RAMP3: variants seen among roughly 807,000 people sequenced by gnomAD.
The protein encoded by RAMP3 is receptor activity-modifying protein 3.
Under a neutral mutation model 13.5 loss-of-function variants are expected in RAMP3, and 14 were observed. The observed-to-expected ratio is 1.04, with a 90% CI of 0.69 to 1.63. The LOEUF is 1.63. Among genes scored for constraint, RAMP3 ranks in the 40% most tolerant of loss-of-function variants. RAMP3 has a pLI of 0.00. For synonymous variants in RAMP3, 106 were observed against 88.3 expected, an observed-to-expected ratio of 1.20 and a Z score of -1.12; for missense variants, 200 against 204.8, an observed-to-expected ratio of 0.98 and a Z score of 0.14.
At chr7:45,167,839 G>A (rs980318363) in intron 1 of RAMP3, among the ~76,000 whole-genome samples, 1 of 151,878 alleles carries the variant, frequency 6.6e-6, no homozygotes, top group African/African-American at 2.4e-5. Context: ...ACCCGCCATG[G>A]CCTCCCAAAG....
chr7:45,169,459 C>T (rs1400566160), intron 1 of RAMP3, among the ~76,000 whole-genome samples: 1 of 152,116 alleles, frequency 6.6e-6, no homozygotes, highest in Non-Finnish European at 1.5e-5. Flanking sequence ...TTAGTATAGA[C>T]CTATTTAGAT....
At chr7:45,179,815 C>G (rs994367381) in intron 2 of RAMP3, among the ~76,000 whole-genome samples, 1 of 152,154 alleles carries the variant, frequency 6.6e-6, no homozygotes, top group Admixed American at 6.5e-5. Context: ...GAAAATGTCC[C>G]ACATGGACCC....
At chr7:45,172,949 TC>T (rs1223098527) in intron 1 of RAMP3, among the ~76,000 whole-genome samples, 1 of 152,204 alleles carries the variant, frequency 6.6e-6, no homozygotes, top group Non-Finnish European at 1.5e-5. Context: ...GGGGTCCCCC[TC>T]CCTGCTCAGT....
chr7:45,166,957 G>GGTTTTTTTTT (rs1370310920), intron 1 of RAMP3, among the ~76,000 whole-genome samples: 1 of 48,450 alleles, frequency 2.1e-5, no homozygotes, highest in Non-Finnish European at 3.8e-5. Flanking sequence ...GGTCTTTGAT[G>GGTTTTTTTTT]CTTTTTTTTT....
In RAMP3 at chr7:45,183,297, T is replaced by G; in HGVS notation, c.332T>G (p.Leu111Trp). The change falls in exon 3 of 3, where the codon TTG becomes TGG. Residue 111 changes from leucine to tryptophan, a missense_variant. By Grantham distance (61) the Leu-to-Trp change is moderately conservative (BLOSUM62 -2). Coordinates refer to ENST00000242249, the MANE Select transcript of RAMP3 (RefSeq NM_005856.3). ...AACTGCACCGTGGACAGGGTCCACT[T>G]GGAGGACCCCCCAGACGAGGTTCTC... ...FSNCTVDRVH[L>W]EDPPDEVLIP... 6.2e-7 allele frequency: 1 copy of G among 1,614,106 alleles called. No homozygotes were observed. Among genetic ancestry groups the G allele is most frequent in the African/African-American group, 1.3e-5 (1 of 75,056 alleles).
chr7:45,160,367 A>G (rs553943980), intron 1 of RAMP3, among the ~76,000 whole-genome samples: 1,369 of 131,180 alleles, frequency 0.01, 32 homozygotes, highest in African/African-American at 0.043. Context: ...AAAAAAAAAA[A>G]AAAAGACTTG....
At chr7:45,165,691 C>T (rs764593582) in intron 1 of RAMP3, among the ~76,000 whole-genome samples, 4 of 152,176 alleles carry the variant, frequency 2.6e-5, no homozygotes, top group Non-Finnish European at 4.4e-5. Flanking sequence ...GCAGTCACTC[C>T]CTATTTCCTC....
chr7:45,164,926 T>G (rs1346982889), intron 1 of RAMP3, among the ~76,000 whole-genome samples: 1 of 152,210 alleles, frequency 6.6e-6, no homozygotes, highest in Non-Finnish European at 1.5e-5. Flanking sequence ...TGCTTCTTAG[T>G]TGAAGTGCTT....
intron 1 of RAMP3, among the ~76,000 whole-genome samples, chr7:45,172,447 C>G (rs1786101605): frequency 6.6e-6 from 1 of 152,194 alleles, no homozygotes; most frequent in African/African-American, 2.4e-5. Context: ...TCTCATACCA[C>G]CATCCCAGAA....
chr7:45,175,657 C>G (rs1420772474), intron 1 of RAMP3, among the ~76,000 whole-genome samples: 1 of 152,148 alleles, frequency 6.6e-6, no homozygotes, highest in African/African-American at 2.4e-5. Context: ...CTGTGGGGTT[C>G]CAGCTAACAC....
chr7:45,183,988 G>C lies in RAMP3; in HGVS notation c.*576G>C. ...TGGGAGGAGAAGGGAGGGGCTGGGG[G>C]TTCCCAGGAGCCATGCGTGGCCTGC... On this transcript the variant is annotated 3_prime_UTR_variant, in exon 3 of 3. Coordinates refer to ENST00000242249, the MANE Select transcript of RAMP3 (RefSeq NM_005856.3). 1 of 414,112 alleles carries C rather than the reference G, an allele frequency of 2.4e-6. No homozygotes were observed. Among genetic ancestry groups the C allele is most frequent in the Non-Finnish European group, 4.3e-6 (1 of 234,302 alleles). 25.7% of individuals were successfully genotyped at this position (414,112 alleles called of 1,614,324 possible).
At chr7:45,159,027 A>T (rs550013681) in intron 1 of RAMP3, among the ~76,000 whole-genome samples, 2 of 152,344 alleles carry the variant, frequency 1.3e-5, no homozygotes, top group African/African-American at 4.8e-5. Flanking sequence ...GGTCCTCTCA[A>T]TTCATTCTGG....
intron 1 of RAMP3, among the ~76,000 whole-genome samples, chr7:45,158,283 T>C (rs1028796618): frequency 1.3e-5 from 2 of 152,210 alleles, no homozygotes; most frequent in African/African-American, 4.8e-5. Context: ...GTGAGCTCTC[T>C]GTCCTGGCAT....
rs773290227 is a variant in RAMP3, at chr7:45,183,561, T to C, written c.*149T>C. ...AGACCCCTCCCTTCCTGGGCTGACCTGCTCCCTCGAGGCCAGCCTGCTCCC... is the reference window on the plus strand; with the variant it reads ...AGACCCCTCCCTTCCTGGGCTGACCCGCTCCCTCGAGGCCAGCCTGCTCCC... On this transcript the variant is annotated 3_prime_UTR_variant, in exon 3 of 3. Transcript: ENST00000242249. The C allele has an allele frequency of 7.5e-4, 891 of 1,195,574 alleles. 2 individuals are homozygous for C. The highest frequency in any genetic ancestry group is 9.6e-4 in the Non-Finnish European group (818 of 851,418). 74.1% of individuals were successfully genotyped at this position (1,195,574 alleles called of 1,614,324 possible). A position where few individuals can be genotyped will look rare whatever the true frequency, so the allele number is the denominator to read the frequency against.
intron 1 of RAMP3, among the ~76,000 whole-genome samples, chr7:45,177,097 G>A (rs1464839494): frequency 1.3e-5 from 2 of 152,250 alleles, no homozygotes; most frequent in Non-Finnish European, 2.9e-5. Context: ...AGGTGGACTT[G>A]TCCTGTCTTG....
Position 45,179,077 on chromosome 7 carries a change from G to A in RAMP3, c.191+1636G>A, listed in dbSNP as rs114583454. Among the ~76,000 whole-genome samples the A allele has an allele frequency of 9.1e-3, 1,381 of 152,324 alleles. 22 individuals carry two copies. The highest frequency in any genetic ancestry group is 0.032 in the African/African-American group (1,333 of 41,582). Reference sequence around the variant, plus strand: ...AGCTGGACACTGGAGGTGTATTCTTGGAGCTGGTGACACCAGGGTTTCTGG... The same window carrying A: ...AGCTGGACACTGGAGGTGTATTCTTAGAGCTGGTGACACCAGGGTTTCTGG... On this transcript the variant is annotated intron_variant, in intron 2 of 2. Coordinates refer to ENST00000242249, the MANE Select transcript of RAMP3 (RefSeq NM_005856.3).
In RAMP3 at chr7:45,183,475, G is replaced by A; in HGVS notation, c.*63G>A. 1 of 1,586,866 alleles carries A rather than the reference G, an allele frequency of 6.3e-7. No homozygotes were observed. The highest frequency in any genetic ancestry group is 8.6e-7 in the Non-Finnish European group (1 of 1,169,066). On this transcript the variant is annotated 3_prime_UTR_variant, in exon 3 of 3. Transcript: ENST00000242249. ...CTGGAAGAAAGTTCCCTGGGGATGGGAGAGCGGGTGGGTGCTGCCAATCTC... is the reference window on the plus strand; with the variant it reads ...CTGGAAGAAAGTTCCCTGGGGATGGAAGAGCGGGTGGGTGCTGCCAATCTC...
chr7:45,178,640 T>C (rs1786241037), intron 2 of RAMP3, among the ~76,000 whole-genome samples: 1 of 152,186 alleles, frequency 6.6e-6, no homozygotes, highest in South Asian at 2.1e-4. Flanking sequence ...AGGAAGGGGT[T>C]TTGCAGGCTC....
chr7:45,163,322 T>C (rs66516970), intron 1 of RAMP3: 220,904 of 985,236 alleles, frequency 0.22, 26,703 homozygotes, highest in African/African-American at 0.45. Flanking sequence ...CTACCAGCCT[T>C]ATAGAAGAAT....
Sources: allele counts gnomAD v4.1 joint callset (sites outside exome capture counted in the v4.1 genomes callset), GRCh38; gene constraint gnomAD v4.1.1; transcripts MANE v1.5; gene names NCBI Gene and HGNC (gene_info 2026-07-23, HGNC 2026-07-21).